PALB2: variants seen among roughly 807,000 people sequenced by gnomAD.
PALB2 encodes mutant partner and localizer of BRCA2.
A neutral mutation model predicts 107.4 loss-of-function variants in PALB2; 82 were observed. The ratio of observed to expected loss-of-function variants is 0.76; its 90% confidence interval spans 0.64 to 0.92. PALB2 has a LOEUF of 0.92. PALB2 is among the 40% of genes least tolerant of loss of function. The probability of loss-of-function intolerance (pLI) is 0.00; values close to 1 mark genes in which losing one functional copy is unlikely to be tolerated. For missense variants in PALB2, 1,374 were observed against 1,379.9 expected, an observed-to-expected ratio of 1.00 and a Z score of 0.07; for synonymous variants, 489 against 496.8, an observed-to-expected ratio of 0.98 and a Z score of 0.21.
intron 5 of PALB2, 64 bp from the exon 6 acceptor site, chr16:23,629,339 A>C (rs1259697276): frequency 7.2e-7 from 1 of 1,382,316 alleles, no homozygotes; most frequent in Non-Finnish European, 1.0e-6. Context: ...TGCATTACCC[A>C]CTCATCAAAA....
chr16:23,635,002 T>C lies in PALB2; in HGVS notation c.1544A>G (p.Lys515Arg), dbSNP rs515726072. ...AQAPGRRYTG[K>R]RKSACTPASD... ...TGCTGGGGTGCAGGCTGATTTTCTT[T>C]TTCCTGTGTATCTTCTACCAGGTGC... is the stretch of plus-strand genomic sequence containing the variant. Residue 515 changes from lysine (K) to arginine (R), a missense_variant, in exon 4 of 13, where the codon AAA becomes AGA. Physicochemically the swap from Lys to Arg is conservative, Grantham distance 26. Transcript: ENST00000261584. The C allele has an allele frequency of 5.8e-5, 94 of 1,614,050 alleles. No homozygotes were observed. Among genetic ancestry groups the C allele is most frequent in the Middle Eastern group, 3.3e-4 (2 of 6,084 alleles).
intron 4 of PALB2, 42 bp from the exon 5 acceptor site, chr16:23,630,511 A>G (rs749269657): frequency 7.0e-7 from 1 of 1,429,346 alleles, no homozygotes; most frequent in Non-Finnish European, 9.7e-7. Flanking sequence ...ACAAAACCCA[A>G]CAAAACAGAC....
At chr16:23,605,205 G>A (rs1016480904) in intron 12 of PALB2, among the ~76,000 whole-genome samples, 3 of 152,044 alleles carry the variant, frequency 2.0e-5, no homozygotes, top group African/African-American at 4.8e-5. Flanking sequence ...CCAACTTTGC[G>A]TACCTAACTC....
chr16:23,623,260 G>A, intron 8 of PALB2, 130 bp from the exon 9 acceptor site: 2 of 830,846 alleles, frequency 2.4e-6, no homozygotes, highest in South Asian at 1.6e-5. Flanking sequence ...CTGGAGTGCA[G>A]TGGCACAATC....
intron 11 of PALB2, among the ~76,000 whole-genome samples, chr16:23,609,143 A>C (rs918973901): frequency 1.3e-5 from 2 of 152,194 alleles, no homozygotes; most frequent in Admixed American, 1.3e-4. Context: ...TGAATTTATT[A>C]ATGAAAATAA....
intron 4 of PALB2, 58 bp downstream of exon 4, chr16:23,634,804 A>G (rs2142408567): frequency 6.4e-7 from 1 of 1,562,682 alleles, no homozygotes; most frequent in Non-Finnish European, 8.7e-7. Context: ...TGCCAGGCAA[A>G]TAGTAATTGT....
At chr16:23,618,846 C>T (rs2142316777) in intron 10 of PALB2, among the ~76,000 whole-genome samples, 1 of 152,214 alleles carries the variant, frequency 6.6e-6, no homozygotes, top group Middle Eastern at 3.4e-3. Flanking sequence ...AAATAACACC[C>T]CTCGGCAGAA....
intron 9 of PALB2, among the ~76,000 whole-genome samples, chr16:23,622,445 A>T (rs1966789739): frequency 6.6e-6 from 1 of 151,908 alleles, no homozygotes. Flanking sequence ...CCCAAGATGG[A>T]GTGTGGTGGC....
chr16:23,626,376 C>G lies in PALB2; in HGVS notation c.2608G>C (p.Val870Leu), dbSNP rs376641234. The change falls in exon 7 of 13, where the codon GTA becomes CTA. Residue 870 changes from valine to leucine, a missense_variant. Physicochemically the swap from Val to Leu is conservative, Grantham distance 32 (BLOSUM62 1). Transcript: ENST00000261584. Reference protein sequence around the residue: ...ELKNPSGSCSVDVSAMFWERA... With the variant: ...ELKNPSGSCSLDVSAMFWERA... ...TCCCAAAACATGGCACTCACATCTA[C>G]GGAACAGGAACCTGAAGGATTCTGA... 1.2e-6 allele frequency: 2 copies of G among 1,614,126 alleles called. No homozygotes were observed. The highest frequency in any genetic ancestry group is 1.3e-5 in the African/African-American group (1 of 75,042).
rs786202029 is a variant in PALB2 at position 23,641,118 on chromosome 16, T to C, written c.40A>G (p.Lys14Glu). The C allele has an allele frequency of 6.2e-6, 10 of 1,613,264 alleles. No individual in the cohort carries two copies. The highest frequency in any genetic ancestry group is 8.5e-6 in the Non-Finnish European group (10 of 1,179,796). Residue 14 changes from lysine to glutamate, a missense_variant, in exon 1 of 13, where the codon AAG (lysine) becomes GAG (glutamate). Coordinates refer to ENST00000261584, the MANE Select transcript of PALB2 (RefSeq NM_024675.4). Reference protein sequence around the residue: ...PPGKPLSCEEKEKLKEKLAFL... With the variant: ...PPGKPLSCEEEEKLKEKLAFL... ...TCCCGCACCCCCGGCACCTTTTCCT[T>C]CTCCTCACAGCTGAGGGGCTTCCCG...
chr16:23,637,556 AGT>A (rs1329832289), intron 3 of PALB2, among the ~76,000 whole-genome samples: 2 of 151,938 alleles, frequency 1.3e-5, no homozygotes, highest in African/African-American at 4.8e-5. Context: ...TATAACAATT[AGT>A]CAGGTGTGGT....
intron 11 of PALB2, among the ~76,000 whole-genome samples, chr16:23,612,129 C>T (rs1353232982): frequency 6.6e-6 from 1 of 152,238 alleles, no homozygotes; most frequent in African/African-American, 2.4e-5. Flanking sequence ...TGTCTCTGCT[C>T]ATGGCTTCAA....
chr16:23,622,718 A>G (rs1966793699), intron 9 of PALB2, among the ~76,000 whole-genome samples: 1 of 152,158 alleles, frequency 6.6e-6, no homozygotes, highest in African/African-American at 2.4e-5. Flanking sequence ...TAAGGGACAC[A>G]CAGATTTCAA....
At chr16:23,610,309 C>CT (rs200742073) in intron 11 of PALB2, among the ~76,000 whole-genome samples, 5,138 of 133,730 alleles carry the variant, frequency 0.038, 137 homozygotes, top group Middle Eastern at 0.087. Flanking sequence ...AATGTTATTT[C>CT]TTTTTTTTTT....
At chr16:23,607,805 T>C (rs2142270395) in intron 12 of PALB2, 59 bp downstream of exon 12, 2 of 1,589,412 alleles carry the variant, frequency 1.3e-6, no homozygotes, top group Non-Finnish European at 1.7e-6. Context: ...CTAGTTTTTG[T>C]GTTTGCACAG....
Position 23,623,104 on chromosome 16 carries a change from T to C in PALB2, c.2861A>G (p.Glu954Gly), listed in dbSNP as rs375942535. The change falls in exon 9 of 13, where the codon GAA (glutamate) becomes GGA (glycine). Residue 954 changes from glutamate (E) to glycine (G), a missense_variant. Transcript: ENST00000261584. ...CTTCAGTAGTACTTGCTTTTCACTT[T>C]CATCATCAGAGGAACAAAACAATGC... is the stretch of plus-strand genomic sequence containing the variant. The part of the protein sequence containing the change: ...IRALFCSSDD[E>G]SEKQVLLKSG... The C allele has an allele frequency of 2.5e-6, 4 of 1,614,036 alleles. No homozygotes were observed. In the East Asian group the frequency reaches 6.7e-5, roughly 27 times the overall value.
intron 12 of PALB2, among the ~76,000 whole-genome samples, chr16:23,603,967 G>A (rs976305808): frequency 6.6e-6 from 1 of 152,124 alleles, no homozygotes; most frequent in African/African-American, 2.4e-5. Flanking sequence ...CCAACTCAGT[G>A]TCACTGCTCT....
chr16:23,612,925 GTA>G (rs773640208), intron 11 of PALB2, among the ~76,000 whole-genome samples: 3 of 151,488 alleles, frequency 2.0e-5, no homozygotes, highest in Non-Finnish European at 2.9e-5. Context: ...CCTAATTTTT[GTA>G]TTTTTAGTAG....
At chr16:23,639,282 C>T (rs908365596) in intron 1 of PALB2, among the ~76,000 whole-genome samples, 2 of 152,062 alleles carry the variant, frequency 1.3e-5, no homozygotes, top group African/African-American at 4.8e-5. Flanking sequence ...CCTGTAATCC[C>T]AACACTTGGG....
Sources: allele counts gnomAD v4.1 joint callset (sites outside exome capture counted in the v4.1 genomes callset), GRCh38; gene constraint gnomAD v4.1.1; transcripts MANE v1.5; gene names NCBI Gene and HGNC (gene_info 2026-07-23, HGNC 2026-07-21).